BMP2K: variants seen among roughly 807,000 people sequenced by gnomAD.
BMP2K encodes the protein BMP-2-inducible protein kinase.
A neutral mutation model predicts 116.0 loss-of-function variants in BMP2K; 74 were observed. The observed-to-expected ratio is 0.64, with a 90% CI of 0.53 to 0.77. BMP2K has a LOEUF of 0.77. Among genes scored for constraint, BMP2K ranks in the 30% least tolerant of loss-of-function variants. The pLI, the probability that BMP2K is intolerant of heterozygous loss-of-function variation, is 0.00. For missense variants in BMP2K, 1,365 were observed against 1,403.6 expected, an observed-to-expected ratio of 0.97 and a Z score of 0.44; for synonymous variants, 486 against 502.5, an observed-to-expected ratio of 0.97 and a Z score of 0.44.
At chr4:78,869,061 G>A (rs1462552228) in intron 10 of BMP2K, among the ~76,000 whole-genome samples, 1 of 152,144 alleles carries the variant, frequency 6.6e-6, no homozygotes, top group East Asian at 1.9e-4. Flanking sequence ...TTTCCCTTCT[G>A]CACTGCCCTA....
intron 1 of BMP2K, among the ~76,000 whole-genome samples, chr4:78,801,842 T>C (rs1728583387): frequency 6.6e-6 from 1 of 152,180 alleles, no homozygotes; most frequent in Admixed American, 6.5e-5. Context: ...TGACATTGTT[T>C]GTGATTTTAC....
At chr4:78,888,879 C>T (rs939836406) in intron 15 of BMP2K, among the ~76,000 whole-genome samples, 1 of 152,138 alleles carries the variant, frequency 6.6e-6, no homozygotes, top group African/African-American at 2.4e-5. Context: ...TCATGACTAT[C>T]TATAAAAATT....
intron 13 of BMP2K, among the ~76,000 whole-genome samples, chr4:78,876,927 T>TA (rs1202789636): frequency 2.6e-5 from 4 of 152,218 alleles, no homozygotes; most frequent in South Asian, 4.1e-4. Context: ...TTATTGCTCT[T>TA]ACGCTACAAA....
intron 14 of BMP2K, among the ~76,000 whole-genome samples, chr4:78,880,716 T>A (rs1188675659): frequency 1.3e-5 from 2 of 152,234 alleles, no homozygotes; most frequent in African/African-American, 4.8e-5. Context: ...AATTCTTAAG[T>A]AGCTATTTTT....
intron 8 of BMP2K, chr4:78,860,182 G>C (rs1731705879): frequency 2.3e-6 from 1 of 429,816 alleles, no homozygotes; most frequent in South Asian, 1.8e-5. Context: ...GACATTGGAA[G>C]TCAGAAAGGT....
chr4:78,898,715 A>G (rs1035776218), intron 15 of BMP2K: 5 of 151,828 alleles, frequency 3.3e-5, no homozygotes, highest in Non-Finnish European at 5.9e-5. Context: ...ATGACTACAG[A>G]AATTGAAAGC....
intron 7 of BMP2K, 194 bp from the exon 8 acceptor site, chr4:78,859,387 ACCC>A: frequency 4.6e-6 from 2 of 432,628 alleles, no homozygotes; most frequent in South Asian, 1.0e-4. Context: ...TGATTGATCT[ACCC>A]TTAGCTTGGG....
At chr4:78,852,607 T>C (rs1429405087) in intron 7 of BMP2K, among the ~76,000 whole-genome samples, 1 of 152,180 alleles carries the variant, frequency 6.6e-6, no homozygotes, top group African/African-American at 2.4e-5. Context: ...TTTTTCTTTT[T>C]CTTTGTCTTC....
chr4:78,872,772 A>G lies in BMP2K; in HGVS notation c.1767A>G (p.Ile589Met). 5.0e-6 allele frequency: 8 copies of G among 1,614,096 alleles called. No individual in the cohort carries two copies. Among genetic ancestry groups the G allele is most frequent in the Non-Finnish European group, 6.8e-6 (8 of 1,179,946 alleles). Reference sequence around the variant, plus strand: ...CACTTCCAGCTCAGGTTGGAACCATAATGGACTCCTCCTATAGTGCCAATA... The same window carrying G: ...CACTTCCAGCTCAGGTTGGAACCATGATGGACTCCTCCTATAGTGCCAATA... ...TSSLPAQVGT[I>M]MDSSYSANRS... Residue 589 changes from isoleucine to methionine, a missense_variant, in exon 13 of 16, where the codon ATA becomes ATG. Ile to Met is a conservative substitution (Grantham distance 10). Coordinates refer to ENST00000502613, the MANE Select transcript of BMP2K (RefSeq NM_198892.2).
intron 7 of BMP2K, among the ~76,000 whole-genome samples, chr4:78,858,584 G>A (rs1229214825): frequency 6.6e-6 from 1 of 151,848 alleles, no homozygotes; most frequent in Non-Finnish European, 1.5e-5. Flanking sequence ...CATTGAAGAT[G>A]TATCACACAT....
rs144530700 is a variant in BMP2K at position 78,881,050 on chromosome 4, T to G, written c.1951+2159T>G. On this transcript the variant is annotated intron_variant, in intron 14 of 15. Coordinates refer to ENST00000502613, the MANE Select transcript of BMP2K (RefSeq NM_198892.2). ...ACATAAATTTTGATCCCTGACAATGTTACTTAACTAGATTGTAATCTCAGA... is the reference window on the plus strand; with the variant it reads ...ACATAAATTTTGATCCCTGACAATGGTACTTAACTAGATTGTAATCTCAGA... 2.1e-3 allele frequency among the ~76,000 whole-genome samples: 324 copies of G among 152,338 alleles called. 1 individual carries two copies. Among genetic ancestry groups the G allele is most frequent in the African/African-American group, 7.1e-3 (297 of 41,586 alleles).
intron 1 of BMP2K, among the ~76,000 whole-genome samples, chr4:78,814,750 T>C (rs1256021908): frequency 6.6e-6 from 1 of 152,066 alleles, no homozygotes; most frequent in Non-Finnish European, 1.5e-5. Flanking sequence ...GAGAACAGAC[T>C]AATACACTTG....
intron 1 of BMP2K, among the ~76,000 whole-genome samples, chr4:78,786,379 A>G (rs1727728552): frequency 6.6e-6 from 1 of 151,042 alleles, no homozygotes; most frequent in Non-Finnish European, 1.5e-5. Context: ...TAACAGTAAG[A>G]AATTCTGTTG....
intron 1 of BMP2K, among the ~76,000 whole-genome samples, chr4:78,789,398 T>C (rs927331641): frequency 3.9e-5 from 6 of 152,214 alleles, no homozygotes; most frequent in African/African-American, 1.4e-4. Flanking sequence ...TTGGCTCCTA[T>C]GCTGTATAGG....
At chr4:78,907,718 G>C (rs1052674336) in intron 15 of BMP2K, among the ~76,000 whole-genome samples, 9 of 152,192 alleles carry the variant, frequency 5.9e-5, no homozygotes, top group African/African-American at 2.2e-4. Flanking sequence ...GCAGAATGCA[G>C]AGTGCACCAT....
intron 15 of BMP2K, among the ~76,000 whole-genome samples, chr4:78,897,398 A>T (rs1441429595): frequency 6.6e-6 from 1 of 152,126 alleles, no homozygotes; most frequent in Non-Finnish European, 1.5e-5. Context: ...AAATGATGGA[A>T]GTGAAGATTA....
chr4:78,874,544 G>C (rs1471719265), intron 13 of BMP2K, among the ~76,000 whole-genome samples: 1 of 151,994 alleles, frequency 6.6e-6, no homozygotes, highest in African/African-American at 2.4e-5. Context: ...ATGCTAACTA[G>C]CATAAAAAAT....
At chr4:78,785,623 A>G (rs1028711557) in intron 1 of BMP2K, among the ~76,000 whole-genome samples, 5 of 152,200 alleles carry the variant, frequency 3.3e-5, no homozygotes, top group African/African-American at 9.7e-5. Flanking sequence ...TTTAGAGAGT[A>G]TTAGTAACAA....
At chr4:78,866,791 C>T (rs557577945) in intron 10 of BMP2K, among the ~76,000 whole-genome samples, 1 of 152,212 alleles carries the variant, frequency 6.6e-6, no homozygotes, top group South Asian at 2.1e-4. Context: ...GCTGGGATTA[C>T]AGGGGCCTGC....
Sources: gnomAD v4.1 joint callset for allele counts (sites outside exome capture counted in the v4.1 genomes callset) on GRCh38, gnomAD v4.1.1 for gene constraint, MANE v1.5 for transcripts, NCBI Gene and HGNC (gene_info 2026-07-23, HGNC 2026-07-21) for gene names.